KIAA0232: variants seen among roughly 807,000 people sequenced by gnomAD.
KIAA0232 encodes the protein KIAA0232.
Under a neutral mutation model 122.0 loss-of-function variants are expected in KIAA0232, and 27 were observed. The ratio of observed to expected loss-of-function variants is 0.22; its 90% CI spans 0.16 to 0.31. The LOEUF is 0.31. Among genes scored for constraint, KIAA0232 ranks in the 10% least tolerant of loss-of-function variants. The probability of loss-of-function intolerance (pLI) is 1.00; values close to 1 mark genes in which losing one functional copy is unlikely to be tolerated. For missense variants in KIAA0232, 1,551 were observed against 1,634.2 expected, an observed-to-expected ratio of 0.95 and a Z score of 0.88; for synonymous variants, 613 against 587.6, an observed-to-expected ratio of 1.04 and a Z score of -0.63.
chr4:6,799,112 G>A (rs754829199), intron 1 of KIAA0232, among the ~76,000 whole-genome samples: 2 of 151,922 alleles, frequency 1.3e-5, no homozygotes, highest in Non-Finnish European at 2.9e-5. Flanking sequence ...TACTCTTAGC[G>A]TCTGGTGGTT....
chr4:6,861,668 A>C lies in KIAA0232; in HGVS notation c.1286A>C (p.Asp429Ala), dbSNP rs762655325. Residue 429 changes from aspartate to alanine, a missense_variant, in exon 7 of 10, where the codon GAT (aspartate) becomes GCT (alanine). By Grantham distance (126) the Asp-to-Ala change is moderately radical (BLOSUM62 -2). Coordinates refer to ENST00000307659, the MANE Select transcript of KIAA0232 (RefSeq NM_014743.3). Reference sequence around the variant, plus strand: ...GAGACCACATACCGAAACAGACAGGATACAAGTGATCTGACATCAGAGGCA... The same window carrying C: ...GAGACCACATACCGAAACAGACAGGCTACAAGTGATCTGACATCAGAGGCA... ...KLETTYRNRQ[D>A]TSDLTSEAVE... 2 of 1,614,148 alleles carry C rather than the reference A, an allele frequency of 1.2e-6. No homozygotes were observed. Among genetic ancestry groups the C allele is most frequent in the South Asian group, 2.2e-5 (2 of 91,084 alleles).
At chr4:6,854,128 AGT>A (rs2108775723) in intron 4 of KIAA0232, among the ~76,000 whole-genome samples, 1 of 152,378 alleles carries the variant, frequency 6.6e-6, no homozygotes, top group South Asian at 2.1e-4. Context: ...ACATTTTTGA[AGT>A]GATGAATCAA....
At chr4:6,815,554 T>C (rs578169472) in intron 2 of KIAA0232, among the ~76,000 whole-genome samples, 1 of 152,294 alleles carries the variant, frequency 6.6e-6, no homozygotes, top group Admixed American at 6.5e-5. Context: ...AGATCTGTCA[T>C]TATGGTACAG....
intron 2 of KIAA0232, among the ~76,000 whole-genome samples, chr4:6,807,028 GTCTGTCTATCTA>G (rs1465401938): frequency 8.8e-6 from 1 of 113,168 alleles, no homozygotes. Flanking sequence ...TTGTCTGTCT[GTCTGTCTATCTA>G]TCTATCTATC....
chr4:6,812,511 A>G (rs1226131997), intron 2 of KIAA0232, among the ~76,000 whole-genome samples: 2 of 152,170 alleles, frequency 1.3e-5, no homozygotes, highest in Non-Finnish European at 2.9e-5. Flanking sequence ...TTAAAGTCCT[A>G]TGCAAAGGAA....
intron 7 of KIAA0232, 21 bp downstream of exon 7, chr4:6,864,204 A>G (rs1327581438): frequency 3.8e-6 from 6 of 1,575,376 alleles, no homozygotes; most frequent in African/African-American, 1.4e-5. Flanking sequence ...GCGTGTTGGT[A>G]TTTGACAAAA....
At position 6,863,578 on chromosome 4, in the gene KIAA0232, T is replaced by C; in HGVS notation, c.3196T>C (p.Phe1066Leu). The C allele has an allele frequency of 6.2e-7, 1 of 1,614,190 alleles. No individual in the cohort carries two copies. Among genetic ancestry groups the C allele is most frequent in the Non-Finnish European group, 8.5e-7 (1 of 1,180,024 alleles). ...ATTTGAACCTGAAGGGATTGCATCT[T>C]TCAGCCCCAGTTTTAAACCGAAATC... is the stretch of plus-strand genomic sequence containing the variant. ...CSFEPEGIAS[F>L]SPSFKPKSIL... Residue 1066 changes from phenylalanine (F) to leucine (L), a missense_variant, in exon 7 of 10, where the codon TTC becomes CTC. Around this residue, in one of 5 missense-constraint regions of KIAA0232, gnomAD observed 1,108 missense variants for 1,154.8 expected, o/e 0.96. Coordinates refer to ENST00000307659, the MANE Select transcript of KIAA0232 (RefSeq NM_014743.3).
intron 1 of KIAA0232, among the ~76,000 whole-genome samples, chr4:6,803,610 T>C (rs1010894385): frequency 6.6e-6 from 1 of 152,216 alleles, no homozygotes; most frequent in Non-Finnish European, 1.5e-5. Flanking sequence ...TTAAAGAGAA[T>C]ACTTTTTACT....
chr4:6,880,657 T>G (rs1183487165), intron 9 of KIAA0232, 130 bp from the exon 10 acceptor site: 1 of 604,898 alleles, frequency 1.7e-6, no homozygotes, highest in East Asian at 3.4e-5. Context: ...ACAGTAAAAC[T>G]CTGCATGTTT....
At chr4:6,856,247 C>G (rs763695703) in intron 4 of KIAA0232, among the ~76,000 whole-genome samples, 6 of 152,188 alleles carry the variant, frequency 3.9e-5, no homozygotes, top group Non-Finnish European at 8.8e-5. Flanking sequence ...CTTAGCAGAA[C>G]TCTCCATCAC....
At position 6,862,514 on chromosome 4, in the gene KIAA0232, G is replaced by C; in HGVS notation, c.2132G>C (p.Cys711Ser). 6.2e-7 allele frequency: 1 copy of C among 1,613,814 alleles called. No homozygotes were observed. The highest frequency in any genetic ancestry group is 8.5e-7 in the Non-Finnish European group (1 of 1,179,944). Residue 711 changes from cysteine (C) to serine (S), a missense_variant, in exon 7 of 10, where the codon TGT becomes TCT. Transcript: ENST00000307659. ...TGTTCTAATCTTTCAACAAGAACTT[G>C]TAGTCCATGGTCCCATTCAGAAGAA... ...EHCSNLSTRT[C>S]SPWSHSEETR...
At chr4:6,835,072 G>A (rs1719191041) in intron 3 of KIAA0232, among the ~76,000 whole-genome samples, 1 of 152,140 alleles carries the variant, frequency 6.6e-6, no homozygotes. Context: ...AGGCTGAGCT[G>A]GAAGGCCCAA....
At chr4:6,817,878 T>C (rs1375704882) in intron 2 of KIAA0232, among the ~76,000 whole-genome samples, 1 of 152,178 alleles carries the variant, frequency 6.6e-6, no homozygotes, top group East Asian at 1.9e-4. Context: ...AAAGGACTGG[T>C]ATGGCCTTTT....
chr4:6,843,099 C>T (rs948849870), intron 4 of KIAA0232, among the ~76,000 whole-genome samples: 2 of 152,138 alleles, frequency 1.3e-5, no homozygotes, highest in South Asian at 2.1e-4. Flanking sequence ...AAATATTTCT[C>T]ATGTCTTTCA....
At chr4:6,838,381 G>C (rs367810427) in intron 3 of KIAA0232, among the ~76,000 whole-genome samples, 4 of 152,164 alleles carry the variant, frequency 2.6e-5, no homozygotes, top group African/African-American at 9.6e-5. Context: ...TGGAGACAGA[G>C]TTTCACAATG....
intron 3 of KIAA0232, among the ~76,000 whole-genome samples, chr4:6,835,456 A>G (rs906421426): frequency 6.6e-6 from 1 of 152,218 alleles, no homozygotes; most frequent in Non-Finnish European, 1.5e-5. Context: ...CCTTACCCAA[A>G]GAATTAGGAT....
In KIAA0232 at chr4:6,858,445, T is replaced by A; in HGVS notation, c.457T>A (p.Leu153Ile). The change falls in exon 6 of 10, where the codon TTA (leucine) becomes ATA (isoleucine). Residue 153 changes from leucine to isoleucine, a missense_variant. By Grantham distance (5) the Leu-to-Ile change is conservative. Around this residue, in one of 5 missense-constraint regions of KIAA0232, gnomAD observed 377 missense variants for 381.7 expected, o/e 0.99. Coordinates refer to ENST00000307659, the MANE Select transcript of KIAA0232 (RefSeq NM_014743.3). ...SKQEEKIHKK[L>I]EGSPSPEAEL... The stretch of plus-strand genomic sequence containing the variant: ...AACAGAAGAGAAGATTCACAAAAAG[T>A]TAGAGGGGTCTCCCTCTCCAGAGGC... 6.2e-7 allele frequency: 1 copy of A among 1,604,580 alleles called. No individual in the cohort carries two copies. Among genetic ancestry groups the A allele is most frequent in the South Asian group, 1.1e-5 (1 of 89,016 alleles).
chr4:6,795,222 C>G (rs559385720), intron 1 of KIAA0232, among the ~76,000 whole-genome samples: 1 of 152,292 alleles, frequency 6.6e-6, no homozygotes, highest in South Asian at 2.1e-4. Context: ...AGGCACCCAC[C>G]ACCACGCCTA....
At chr4:6,806,829 C>T (rs1717639271) in intron 2 of KIAA0232, among the ~76,000 whole-genome samples, 1 of 149,998 alleles carries the variant, frequency 6.7e-6, no homozygotes, top group African/African-American at 2.4e-5. Context: ...TTGACAGTAG[C>T]ATTTCCTCAG....
Sources: gnomAD v4.1 joint callset for allele counts (sites outside exome capture counted in the v4.1 genomes callset) on GRCh38, gnomAD v4.1.1 for gene constraint, gnomAD v4.1.1 regional missense constraint, MANE v1.5 for transcripts, NCBI Gene and HGNC (gene_info 2026-07-23, HGNC 2026-07-21) for gene names.